FAM149B1: variants seen among roughly 807,000 people sequenced by gnomAD.
The protein encoded by FAM149B1 is primary cilium assembly protein FAM149B1.
FAM149B1 carries 56 observed loss-of-function variants against 75.3 expected under a neutral mutation model. The observed-to-expected ratio is 0.74, with a 90% CI of 0.60 to 0.93. The LOEUF (loss-of-function observed/expected upper bound fraction) is 0.93. Among genes scored for constraint, FAM149B1 ranks in the 40% least tolerant of loss-of-function variants. The pLI is 0.00. For synonymous variants in FAM149B1, 259 were observed against 256.1 expected (o/e 1.01, Z -0.11); for missense variants, 639 against 708.4 (o/e 0.90, Z 1.11).
chr10:73,195,549 C>T (rs768267677), intron 5 of FAM149B1, among the ~76,000 whole-genome samples: 1 of 152,138 alleles, frequency 6.6e-6, no homozygotes, highest in East Asian at 1.9e-4. Flanking sequence ...TTAGTGTAAA[C>T]TTTATATGTG....
In FAM149B1 at chr10:73,188,237, T is replaced by C. The variant is rs183278075; in HGVS notation, c.283-4319T>C. On this transcript the variant is annotated intron_variant, in intron 3 of 13. Transcript: ENST00000242505. ...AGGCAATTCAATAGAAAAAGGATTT[T>C]TTTTCCTTAACAAATGTTGCTGGGA... Among the ~76,000 whole-genome samples, 18 of 152,312 alleles carry C rather than the reference T, an allele frequency of 1.2e-4. No individual in the cohort carries two copies. The East Asian group carries it at 3.5e-3, about 29-fold the overall frequency.
At chr10:73,183,935 C>G (rs963980224) in intron 3 of FAM149B1, among the ~76,000 whole-genome samples, 11 of 152,178 alleles carry the variant, frequency 7.2e-5, no homozygotes, top group African/African-American at 2.2e-4. Context: ...GTAGGAAAAA[C>G]AGTTGCTCAG....
chr10:73,239,528 T>C, intron 13 of FAM149B1, 144 bp downstream of exon 13: 1 of 621,938 alleles, frequency 1.6e-6, no homozygotes. Context: ...TCACCTAAAA[T>C]TCATTTTGGA....
At chr10:73,235,411 A>G in intron 12 of FAM149B1, 93 bp downstream of exon 12, 2 of 1,522,542 alleles carry the variant, frequency 1.3e-6, no homozygotes, top group Non-Finnish European at 1.8e-6. Context: ...TTTTATCTAG[A>G]GGCTTAACCC....
At chr10:73,210,561 T>C in intron 7 of FAM149B1, 123 bp downstream of exon 7, 2 of 641,474 alleles carry the variant, frequency 3.1e-6, no homozygotes, top group South Asian at 2.5e-5. Context: ...CAGTGGCTTA[T>C]GCCTATAATC....
At chr10:73,234,697 C>A in intron 10 of FAM149B1, 120 bp from the exon 11 acceptor site, 1 of 1,058,156 alleles carries the variant, frequency 9.5e-7, no homozygotes, top group Non-Finnish European at 1.3e-6. Flanking sequence ...ACATAGGTAG[C>A]CTAAAGCTTT....
intron 2 of FAM149B1, among the ~76,000 whole-genome samples, chr10:73,176,401 CCT>C (rs766071823): frequency 1.3e-5 from 2 of 152,150 alleles, no homozygotes; most frequent in African/African-American, 4.8e-5. Context: ...GTTCGGGACC[CCT>C]GTCTCATAGG....
At chr10:73,201,893 G>A (rs1036807104) in intron 5 of FAM149B1, among the ~76,000 whole-genome samples, 8 of 152,054 alleles carry the variant, frequency 5.3e-5, no homozygotes, top group Admixed American at 4.6e-4. Context: ...AGCCAGGAGC[G>A]ATGGCTCACA....
intron 3 of FAM149B1, among the ~76,000 whole-genome samples, chr10:73,180,006 T>C (rs931940842): frequency 7.9e-5 from 12 of 152,220 alleles, no homozygotes; most frequent in African/African-American, 2.9e-4. Flanking sequence ...TTCCCTGTAC[T>C]TGGCCTTGGG....
chr10:73,216,203 A>C (rs1027473169), intron 7 of FAM149B1, among the ~76,000 whole-genome samples: 1 of 152,202 alleles, frequency 6.6e-6, no homozygotes, highest in Non-Finnish European at 1.5e-5. Context: ...TTCATCTGCT[A>C]TAAGTGTAGC....
At chr10:73,181,756 C>T (rs575860208) in intron 3 of FAM149B1, among the ~76,000 whole-genome samples, 6 of 152,216 alleles carry the variant, frequency 3.9e-5, no homozygotes, top group African/African-American at 1.2e-4. Flanking sequence ...TATGTTAGAT[C>T]CATTTGGCGT....
intron 5 of FAM149B1, among the ~76,000 whole-genome samples, chr10:73,206,300 C>G (rs1385632745): frequency 6.6e-6 from 1 of 152,180 alleles, no homozygotes; most frequent in African/African-American, 2.4e-5. Flanking sequence ...CTGCTTCTAA[C>G]ACCTATGCTC....
chr10:73,201,866 A>G (rs1242208332), intron 5 of FAM149B1, among the ~76,000 whole-genome samples: 3 of 152,144 alleles, frequency 2.0e-5, no homozygotes, highest in African/African-American at 7.2e-5. Context: ...CACTTAAGAA[A>G]AAAAAAAGGA....
Position 73,230,494 on chromosome 10 carries a change from C to T in FAM149B1, c.1096C>T (p.Pro366Ser). The change falls in exon 9 of 14, where the codon CCA becomes TCA. Residue 366 changes from proline (P) to serine (S), a missense_variant. Transcript: ENST00000242505. ...DLLVHGMPLQ[P>S]RNLSLMDKLL... ...CTTGGTTCATGGAATGCCTCTACAG[C>T]CAAGAAATCTCTCCCTAATGGACAA... The T allele has an allele frequency of 6.5e-7, 1 of 1,543,750 alleles. No individual in the cohort carries two copies. The highest frequency in any genetic ancestry group is 1.2e-5 in the South Asian group (1 of 83,894).
At chr10:73,225,778 C>A (rs1266874365) in intron 7 of FAM149B1, among the ~76,000 whole-genome samples, 2 of 152,182 alleles carry the variant, frequency 1.3e-5, no homozygotes, top group Admixed American at 6.5e-5. Context: ...ATACAAGGTA[C>A]CTGTACCATT....
chr10:73,215,415 T>C (rs2133376094), intron 7 of FAM149B1, among the ~76,000 whole-genome samples: 1 of 152,182 alleles, frequency 6.6e-6, no homozygotes, highest in African/African-American at 2.4e-5. Flanking sequence ...AGAGATTGGG[T>C]TTTGCTATGT....
intron 3 of FAM149B1, among the ~76,000 whole-genome samples, chr10:73,187,086 G>A (rs1315275439): frequency 1.3e-5 from 2 of 152,012 alleles, no homozygotes; most frequent in South Asian, 2.1e-4. Flanking sequence ...TGAACAATCT[G>A]AAAATGAAAA....
Position 73,234,808 on chromosome 10 carries a change from G to C in FAM149B1, c.1353-9G>C. 1 of 1,551,108 alleles carries C rather than the reference G, an allele frequency of 6.4e-7. No individual in the cohort carries two copies. ...TTCATACCTTCGTGTTTGTTGGTGG[G>C]ATCTGCAGCCCAGTGGCACCCGACT... On this transcript the variant is annotated splice_polypyrimidine_tract_variant and intron_variant, in intron 10 of 13. Coordinates refer to ENST00000242505, the MANE Select transcript of FAM149B1 (RefSeq NM_173348.2).
chr10:73,222,783 A>G (rs2043447471), intron 7 of FAM149B1, among the ~76,000 whole-genome samples: 1 of 152,202 alleles, frequency 6.6e-6, no homozygotes, highest in South Asian at 2.1e-4. Flanking sequence ...AACCCAGTTC[A>G]TGTTACTCCA....
Sources: gnomAD v4.1 joint callset for allele counts (sites outside exome capture counted in the v4.1 genomes callset) on GRCh38, gnomAD v4.1.1 for gene constraint, MANE v1.5 for transcripts, NCBI Gene and HGNC (gene_info 2026-07-23, HGNC 2026-07-21) for gene names.